Variants in DSC2 observed in about 807,000 individuals in gnomAD.
DSC2 encodes the protein desmocollin 2.
A neutral mutation model predicts 87.6 loss-of-function variants in DSC2; 51 were observed. That is an observed-to-expected ratio of 0.58 (90% CI 0.46 to 0.74). DSC2 has a LOEUF of 0.74. Ranked by LOEUF, DSC2 falls within the 30% of genes least tolerant of loss-of-function variation. The pLI is 0.00. For missense variants in DSC2, 1,066 were observed against 1,089.5 expected, an observed-to-expected ratio of 0.98 and a Z score of 0.30; for synonymous variants, 383 against 393.2, an observed-to-expected ratio of 0.97 and a Z score of 0.31.
At position 31,091,132 on chromosome 18, in the gene DSC2, G is replaced by A. The variant is rs371443698; in HGVS notation, c.370C>T (p.His124Tyr). 8.0e-4 allele frequency: 1,298 copies of A among 1,613,858 alleles called. 18 individuals carry two copies. In the South Asian group the frequency reaches 0.013, roughly 17 times the overall value. The change falls in exon 4 of 16, where the codon CAT becomes TAT. Residue 124 changes from histidine to tyrosine, a missense_variant. His to Tyr is a moderately conservative substitution (Grantham distance 83). Coordinates refer to ENST00000280904, the MANE Select transcript of DSC2 (RefSeq NM_024422.6). ...CGCCTTAGAACTTTTTCTTTAGTATGTCTTTTCTTTAGGACCTCAATTCAT... is the reference window on the plus strand; with the variant it reads ...CGCCTTAGAACTTTTTCTTTAGTATATCTTTTCTTTAGGACCTCAATTCAT... ...EHQTKVLKKR[H>Y]TKEKVLRRAK...
intron 1 of DSC2, among the ~76,000 whole-genome samples, chr18:31,097,350 T>C (rs554304573): frequency 1.6e-4 from 24 of 149,952 alleles, no homozygotes; most frequent in African/African-American, 5.2e-4. Flanking sequence ...AAGGAGTAAA[T>C]TTAACAAGAA....
chr18:31,095,540 G>A (rs1191154449), intron 1 of DSC2, among the ~76,000 whole-genome samples: 1 of 152,168 alleles, frequency 6.6e-6, no homozygotes, highest in Non-Finnish European at 1.5e-5. Context: ...TAAGAGTGGG[G>A]TAATGGTTAC....
Position 31,063,631 on chromosome 18 carries a change from T to C in DSC2, c.*4384A>G, listed in dbSNP as rs970568603. ...AAGGATACAAGGAGATTGGGGAAAT[T>C]AGTACAGAAGGTCCTCAACTTAAGA... On this transcript the variant is annotated 3_prime_UTR_variant, in exon 16 of 16. Transcript: ENST00000280904. The C allele has an allele frequency of 2.6e-5, 4 of 152,176 alleles. No individual in the cohort carries two copies. The highest frequency in any genetic ancestry group is 7.2e-5 in the African/African-American group (3 of 41,434). The allele number at this position is 152,176 out of a possible 1,614,324, so 9.4% of individuals were successfully genotyped here.
chr18:31,100,919 T>A (rs1017275185), intron 1 of DSC2, among the ~76,000 whole-genome samples: 53 of 152,240 alleles, frequency 3.5e-4, no homozygotes, highest in South Asian at 4.2e-4. Flanking sequence ...ATTGGCTTTT[T>A]GCGTCTTCAG....
Position 31,102,349 on chromosome 18 carries a change from C to T in DSC2, c.-378G>A, listed in dbSNP as rs956480703. 2 of 185,518 alleles carry T rather than the reference C, an allele frequency of 1.1e-5. No homozygotes were observed. The highest frequency in any genetic ancestry group is 1.1e-5 in the Non-Finnish European group (1 of 90,724). The allele number at this position is 185,518 out of a possible 1,614,324, so 11.5% of individuals were successfully genotyped here. ...CGGACGCCACCTATAAGGCCCATCTCCCCCACCACGCCCCGGTGTCCGCTC... is the reference window on the plus strand; with the variant it reads ...CGGACGCCACCTATAAGGCCCATCTTCCCCACCACGCCCCGGTGTCCGCTC... On this transcript the variant is annotated 5_prime_UTR_variant, in exon 1 of 16. Coordinates refer to ENST00000280904, the MANE Select transcript of DSC2 (RefSeq NM_024422.6).
At position 31,099,605 on chromosome 18, in the gene DSC2, G is replaced by A. The variant is rs187026672; in HGVS notation, c.69+2298C>T. Among the ~76,000 whole-genome samples, 253 of 151,990 alleles carry A rather than the reference G, an allele frequency of 1.7e-3. 1 individual carries two copies. Among genetic ancestry groups the A allele is most frequent in the Non-Finnish European group, 2.0e-3 (135 of 67,948 alleles). On this transcript the variant is annotated intron_variant, in intron 1 of 15. Transcript: ENST00000280904. ...GGTCAGAAAGATTAAAAAAAAAGGC[G>A]GGGGGGAGTGAATGTCAAGAATAAG...
At chr18:31,091,640 A>C in intron 3 of DSC2, 2 of 457,952 alleles carry the variant, frequency 4.4e-6, no homozygotes, top group South Asian at 3.1e-5. Context: ...TAATGGTTGA[A>C]TACAAGTTAT....
Position 31,068,122 on chromosome 18 carries a change from C to T in DSC2, c.2599G>A (p.Gly867Arg), listed in dbSNP as rs1251298261. ...CGTTCACTGCAACAACCTACAGACC[C>T]AGCCACCGATCCTCTTCCTTCATAG... ...YNYEGRGSVAGSVGCCSERQE... is the reference protein window; with the variant it reads ...YNYEGRGSVARSVGCCSERQE... The change falls in exon 16 of 16, where the codon GGG (glycine) becomes AGG (arginine). Residue 867 changes from glycine to arginine, a missense_variant. Physicochemically the swap from Gly to Arg is moderately radical, Grantham distance 125. Transcript: ENST00000280904. The T allele has an allele frequency of 6.2e-7, 1 of 1,614,090 alleles. No individual in the cohort carries two copies.
In DSC2 at chr18:31,095,550, C is replaced by T. The variant is rs555170123; in HGVS notation, c.70-1907G>A. On this transcript the variant is annotated intron_variant, in intron 1 of 15. Coordinates refer to ENST00000280904, the MANE Select transcript of DSC2 (RefSeq NM_024422.6). ...GAATCTAAGAGTGGGGTAATGGTTACTTGGGCTAAGGTAATAATGTTGGAG... is the reference window on the plus strand; with the variant it reads ...GAATCTAAGAGTGGGGTAATGGTTATTTGGGCTAAGGTAATAATGTTGGAG... Among the ~76,000 whole-genome samples the T allele has an allele frequency of 3.3e-5, 5 of 152,192 alleles. No individual in the cohort carries two copies. The South Asian group carries it at 1.0e-3, about 32-fold the overall frequency.
intron 11 of DSC2, among the ~76,000 whole-genome samples, chr18:31,077,042 A>T (rs1418186928): frequency 6.6e-6 from 1 of 152,176 alleles, no homozygotes; most frequent in East Asian, 1.9e-4. Context: ...AAACTGAGAG[A>T]GTTTAAAATT....
At position 31,083,016 on chromosome 18, in the gene DSC2, A is replaced by T. The variant is rs1567978385; in HGVS notation, c.987T>A (p.Asp329Glu). 6.2e-7 allele frequency: 1 copy of T among 1,613,310 alleles called. No homozygotes were observed. The highest frequency in any genetic ancestry group is 8.5e-7 in the Non-Finnish European group (1 of 1,179,808). ...TTGTCTGTAGACCAAAATACTGACCATCCATGTCTTGTACTTTTATTTTCA... is the reference window on the plus strand; with the variant it reads ...TTGTCTGTAGACCAAAATACTGACCTTCCATGTCTTGTACTTTTATTTTCA... ...YQLKIKVQDM[D>E]GQYFGLQTTS... The change falls in exon 8 of 16, where the codon GAT becomes GAA. Residue 329 changes from aspartate (D) to glutamate (E), a missense_variant. Transcript: ENST00000280904.
In DSC2 at chr18:31,069,034, C is replaced by T. The variant is rs1335955296; in HGVS notation, c.2368G>A (p.Gly790Arg). 1.9e-6 allele frequency: 3 copies of T among 1,612,530 alleles called. No homozygotes were observed. The highest frequency in any genetic ancestry group is 4.6e-5 in the East Asian group (2 of 43,730). ...GQETIEMVKG[G>R]HQTSESCRGA... is the part of the protein sequence containing the mutation. ...CGGCAGGATTCCGAGGTCTGGTGTCCTCCTTTCACCATTTCGATGGTCTCC... is the reference window on the plus strand; with the variant it reads ...CGGCAGGATTCCGAGGTCTGGTGTCTTCCTTTCACCATTTCGATGGTCTCC... The change falls in exon 15 of 16, where the codon GGA (glycine) becomes AGA (arginine). Residue 790 changes from glycine (G) to arginine (R), a missense_variant. Gly to Arg is a moderately radical substitution (Grantham distance 125, BLOSUM62 -2). Coordinates refer to ENST00000280904, the MANE Select transcript of DSC2 (RefSeq NM_024422.6).
At chr18:31,087,950 T>C in intron 5 of DSC2, 137 bp from the exon 6 acceptor site, 1 of 879,460 alleles carries the variant, frequency 1.1e-6, no homozygotes, top group Non-Finnish European at 1.8e-6. Context: ...TGTTCTGGGA[T>C]ATGGATATAA....
intron 1 of DSC2, chr18:31,101,513 A>AC (rs2144871943): frequency 6.2e-6 from 1 of 162,100 alleles, no homozygotes; most frequent in Non-Finnish European, 1.3e-5. Flanking sequence ...GGCCAGCTGG[A>AC]CGGCCCCGGC....
rs1184017275 is a variant in DSC2 at position 31,100,317 on chromosome 18, A to G, written c.69+1586T>C. 2.6e-5 allele frequency among the ~76,000 whole-genome samples: 4 copies of G among 152,342 alleles called. No individual in the cohort carries two copies. The East Asian group carries it at 7.7e-4, about 29-fold the overall frequency. ...AAACAGAATCTGAGATAACACACAG[A>G]AAGCTCTCTCTGCAGGTATATGCAG... is the stretch of plus-strand genomic sequence containing the variant. On this transcript the variant is annotated intron_variant, in intron 1 of 15. Transcript: ENST00000280904.
In DSC2 at chr18:31,065,204, C is replaced by T. The variant is rs1986585110; in HGVS notation, c.*2811G>A. ...AAGCTACTATGAGCCATGAAATTCC[C>T]AAAGGCCATCACTGGTGAAATACTG... is the stretch of plus-strand genomic sequence containing the variant. On this transcript the variant is annotated 3_prime_UTR_variant, in exon 16 of 16. Coordinates refer to ENST00000280904, the MANE Select transcript of DSC2 (RefSeq NM_024422.6). The T allele has an allele frequency of 6.6e-6, 1 of 152,128 alleles. No homozygotes were observed. Among genetic ancestry groups the T allele is most frequent in the Non-Finnish European group, 1.5e-5 (1 of 68,052 alleles). The allele number at this position is 152,128 out of a possible 1,614,324, so 9.4% of individuals were successfully genotyped here. A position where few individuals can be genotyped will look rare whatever the true frequency, so the allele number is the denominator to read the frequency against.
chr18:31,069,075 A>C lies in DSC2; in HGVS notation c.2327T>G (p.Ile776Ser). 6.2e-7 allele frequency: 1 copy of C among 1,613,930 alleles called. No homozygotes were observed. Among genetic ancestry groups the C allele is most frequent in the Non-Finnish European group, 8.5e-7 (1 of 1,179,982 alleles). Residue 776 changes from isoleucine to serine, a missense_variant, in exon 15 of 16, where the codon ATC (isoleucine) becomes AGC (serine). Transcript: ENST00000280904. ...QGVCGTVGSGIKNGGQETIEM... is the reference protein window; with the variant it reads ...QGVCGTVGSGSKNGGQETIEM... ...GATGGTCTCCTGACCTCCGTTTTTGATTCCTGATCCCACGGTGCCACAAAC... is the reference window on the plus strand; with the variant it reads ...GATGGTCTCCTGACCTCCGTTTTTGCTTCCTGATCCCACGGTGCCACAAAC...
intron 7 of DSC2, 70 bp downstream of exon 7, chr18:31,086,506 A>T (rs1486242974): frequency 2.2e-5 from 34 of 1,565,134 alleles, no homozygotes; most frequent in Non-Finnish European, 2.8e-5. Flanking sequence ...TCAAAAACAC[A>T]TCTACAGGAG....
intron 2 of DSC2, 56 bp downstream of exon 2, chr18:31,093,503 G>T: frequency 7.4e-7 from 1 of 1,355,580 alleles, no homozygotes; most frequent in South Asian, 1.2e-5. Context: ...AGTATTCCAT[G>T]GCGTATATGT....
Sources: gnomAD v4.1 joint callset for allele counts (sites outside exome capture counted in the v4.1 genomes callset) on GRCh38, gnomAD v4.1.1 for gene constraint, MANE v1.5 for transcripts, NCBI Gene and HGNC (gene_info 2026-07-23, HGNC 2026-07-21) for gene names.